The following GRAMD1C variants were observed in gnomAD, a reference collection of about 807,000 sequenced individuals.
GRAMD1C encodes GRAM domain containing 1C, also known as protein Aster-C.
GRAMD1C carries 89 observed loss-of-function variants against 97.8 expected under a neutral mutation model. The ratio of observed to expected loss-of-function variants is 0.91; its 90% CI spans 0.77 to 1.09. The LOEUF is 1.09. Ranked by LOEUF, GRAMD1C falls within the 50% of genes least tolerant of loss-of-function variation. The pLI, the probability that GRAMD1C is intolerant of heterozygous loss-of-function variation, is 0.00. For synonymous variants in GRAMD1C, 256 were observed against 267.0 expected, an observed-to-expected ratio of 0.96 and a Z score of 0.40; for missense variants, 740 against 766.4, an observed-to-expected ratio of 0.97 and a Z score of 0.41.
chr3:113,858,360 G>C (rs1300005899), intron 2 of GRAMD1C, among the ~76,000 whole-genome samples: 1 of 145,524 alleles, frequency 6.9e-6, no homozygotes, highest in Non-Finnish European at 1.5e-5. Context: ...AGCCTCCCAA[G>C]TAGCTGGGAT....
chr3:113,894,159 G>T (rs559237520), intron 6 of GRAMD1C, among the ~76,000 whole-genome samples: 2 of 152,196 alleles, frequency 1.3e-5, no homozygotes, highest in East Asian at 3.9e-4. Flanking sequence ...AAATTTAAAA[G>T]ATTTTTAAAA....
At chr3:113,885,157 G>T (rs1426951050) in intron 6 of GRAMD1C, 4 of 604,506 alleles carry the variant, frequency 6.6e-6, no homozygotes, top group Non-Finnish European at 1.2e-5. Context: ...TTTCTGAGCC[G>T]CCCGCTCCGT....
At chr3:113,872,271 A>ATT (rs1934843510) in intron 3 of GRAMD1C, among the ~76,000 whole-genome samples, 3 of 151,852 alleles carry the variant, frequency 2.0e-5, no homozygotes, top group Admixed American at 6.6e-5. Context: ...TGTATTTAGG[A>ATT]TTATATATAT....
intron 1 of GRAMD1C, among the ~76,000 whole-genome samples, chr3:113,829,790 T>G (rs1203327974): frequency 1.4e-4 from 21 of 152,160 alleles, no homozygotes. Context: ...ATTAGGCAAT[T>G]TTGCTGTTGT....
chr3:113,914,997 A>G (rs1053285204), intron 9 of GRAMD1C, among the ~76,000 whole-genome samples: 1 of 152,208 alleles, frequency 6.6e-6, no homozygotes, highest in East Asian at 1.9e-4. Flanking sequence ...TCCAGGGCAT[A>G]TGAGAATAGG....
At chr3:113,924,630 G>A (rs141700099) in intron 10 of GRAMD1C, among the ~76,000 whole-genome samples, 23 of 152,314 alleles carry the variant, frequency 1.5e-4, no homozygotes, top group African/African-American at 2.6e-4. Context: ...TGGTCCGAGA[G>A]TGTGGTTAAT....
At chr3:113,909,830 T>C (rs1321149123) in intron 9 of GRAMD1C, among the ~76,000 whole-genome samples, 1 of 152,240 alleles carries the variant, frequency 6.6e-6, no homozygotes, top group Non-Finnish European at 1.5e-5. Flanking sequence ...TCATCAATGT[T>C]ACTCAGAACA....
intron 14 of GRAMD1C, 145 bp from the exon 15 acceptor site, chr3:113,937,941 G>A: frequency 1.9e-6 from 1 of 522,002 alleles, no homozygotes; most frequent in Non-Finnish European, 3.3e-6. Flanking sequence ...GGAGGCAGAG[G>A]TTGCGGTGAG....
rs1213148531 is a variant in GRAMD1C, at chr3:113,849,975, A to AC, written c.174+5333dup. Among the ~76,000 whole-genome samples the AC allele has an allele frequency of 2.1e-4, 27 of 126,394 alleles. No individual in the cohort carries two copies. In the East Asian group the frequency reaches 3.6e-3, roughly 17 times the overall value. 82.9% of individuals were successfully genotyped at this position (126,394 alleles called of 152,430 possible). On this transcript the variant is annotated intron_variant, in intron 2 of 17. Transcript: ENST00000358160. ...GGGCGGCTGACCGGGCGGGGGGCTG[A>AC]CCCCCCCACCTCCCTCCCGGACGGG...
intron 2 of GRAMD1C, chr3:113,850,377 C>A (rs1477479062): frequency 2.4e-6 from 2 of 821,904 alleles, no homozygotes; most frequent in Non-Finnish European, 4.3e-6. Flanking sequence ...TCGGCTTCCC[C>A]TTTTGTGAGT....
chr3:113,870,152 A>G lies in GRAMD1C; in HGVS notation c.259+561A>G, dbSNP rs1485531041. On this transcript the variant is annotated intron_variant, in intron 3 of 17. Coordinates refer to ENST00000358160, the MANE Select transcript of GRAMD1C (RefSeq NM_017577.5). Reference sequence around the variant, plus strand: ...TGAGGCAGGAACATTGCTTGAGCCCAGGAGTTCCAGACCAACCTGGTCAAC... The same window carrying G: ...TGAGGCAGGAACATTGCTTGAGCCCGGGAGTTCCAGACCAACCTGGTCAAC... 2.6e-5 allele frequency among the ~76,000 whole-genome samples: 4 copies of G among 151,932 alleles called. No individual in the cohort carries two copies. The East Asian group carries it at 7.7e-4, about 29-fold the overall frequency.
chr3:113,917,412 C>T (rs1936856216), intron 10 of GRAMD1C, among the ~76,000 whole-genome samples: 3 of 151,926 alleles, frequency 2.0e-5, no homozygotes, highest in Admixed American at 2.0e-4. Context: ...CAACATCTGC[C>T]TCCCAGGTTC....
chr3:113,882,705 T>C, intron 5 of GRAMD1C, 47 bp from the exon 6 acceptor site: 2 of 1,118,920 alleles, frequency 1.8e-6, no homozygotes, highest in Non-Finnish European at 2.7e-6. Context: ...GATAATCTGC[T>C]TTTATTTTCC....
intron 6 of GRAMD1C, chr3:113,890,652 G>A: frequency 1.5e-6 from 1 of 659,316 alleles, no homozygotes; most frequent in South Asian, 1.7e-5. Context: ...GAATCCGTGA[G>A]GTGCATTCTC....
chr3:113,885,697 T>A (rs2107408820), intron 6 of GRAMD1C: 3 of 1,525,268 alleles, frequency 2.0e-6, no homozygotes, highest in Non-Finnish European at 1.8e-6. Context: ...ACAGAAAGCA[T>A]GGAGATCTAT....
chr3:113,936,502 T>C, intron 14 of GRAMD1C, 60 bp downstream of exon 14: 1 of 1,068,302 alleles, frequency 9.4e-7, no homozygotes, highest in Non-Finnish European at 1.4e-6. Context: ...TGAAGCAGAA[T>C]GTGCCTCTTG....
intron 2 of GRAMD1C, among the ~76,000 whole-genome samples, chr3:113,865,801 T>G (rs1329022197): frequency 1.3e-5 from 2 of 152,320 alleles, no homozygotes; most frequent in South Asian, 2.1e-4. Flanking sequence ...TAGAGTGATG[T>G]GTTCTTCCAG....
At chr3:113,833,116 C>CA (rs982373535) in intron 1 of GRAMD1C, among the ~76,000 whole-genome samples, 4 of 129,812 alleles carry the variant, frequency 3.1e-5, no homozygotes, top group African/African-American at 1.2e-4. Flanking sequence ...TTCTTTCTTT[C>CA]TTTCTTTTTT....
chr3:113,944,586 A>G (rs1459098388), intron 17 of GRAMD1C, among the ~76,000 whole-genome samples: 1 of 152,222 alleles, frequency 6.6e-6, no homozygotes, highest in Non-Finnish European at 1.5e-5. Flanking sequence ...TCAGAAAATG[A>G]TGCTACCATC....
Sources: gnomAD v4.1 joint callset for allele counts (sites outside exome capture counted in the v4.1 genomes callset) on GRCh38, gnomAD v4.1.1 for gene constraint, MANE v1.5 for transcripts, NCBI Gene and HGNC (gene_info 2026-07-23, HGNC 2026-07-21) for gene names.